PDPN: variants seen among roughly 807,000 people sequenced by gnomAD.
PDPN encodes the protein podoplanin.
A neutral mutation model predicts 23.2 loss-of-function variants in PDPN; 12 were observed. That is an observed-to-expected ratio of 0.52 (90% CI 0.33 to 0.84). PDPN has a LOEUF of 0.84. Ranked by LOEUF, PDPN falls within the 40% of genes least tolerant of loss-of-function variation. The pLI, the probability that PDPN is intolerant of heterozygous loss-of-function variation, is 0.02. For synonymous variants in PDPN, 77 were observed against 76.7 expected (o/e 1.00, Z -0.02); for missense variants, 199 against 212.2 (o/e 0.94, Z 0.39).
At chr1:13,614,111 TC>T (rs918869686) in intron 4 of PDPN, among the ~76,000 whole-genome samples, 188 bp from the exon 5 acceptor site, 42 of 152,294 alleles carry the variant, frequency 2.8e-4, no homozygotes, top group African/African-American at 1.0e-3. Context: ...CCAGAAATCT[TC>T]CCATTTGTAA....
rs1319914340 is a variant in PDPN at position 13,583,895 on chromosome 1, G to A, written c.-139G>A. 1 of 1,611,532 alleles carries A rather than the reference G, an allele frequency of 6.2e-7. No individual in the cohort carries two copies. The highest frequency in any genetic ancestry group is 8.5e-7 in the Non-Finnish European group (1 of 1,178,684). ...AAGCTCGGGCACCCTCCCTCTCCGG[G>A]GCTCCTGCTCCCACCCCTCCGGCCC... is the stretch of plus-strand genomic sequence containing the variant. On this transcript the variant is annotated 5_prime_UTR_variant, in exon 1 of 6. Coordinates refer to ENST00000621990, the MANE Select transcript of PDPN (RefSeq NM_006474.5).
chr1:13,584,712 AGT>A (rs1640128386), intron 1 of PDPN, among the ~76,000 whole-genome samples: 1 of 152,136 alleles, frequency 6.6e-6, no homozygotes, highest in South Asian at 2.1e-4. Context: ...GCTTCCGAGG[AGT>A]GTGAGTGCAT....
In PDPN at chr1:13,586,922, C is replaced by T. The variant is rs180889174; in HGVS notation, c.67+2822C>T. On this transcript the variant is annotated intron_variant, in intron 1 of 5. Coordinates refer to ENST00000621990, the MANE Select transcript of PDPN (RefSeq NM_006474.5). ...CAAAAATTAGTTGGGCATGGTGGTG[C>T]GCGCCTGTAGTCCTAGTTACTTGGA... Among the ~76,000 whole-genome samples the T allele has an allele frequency of 1.6e-4, 25 of 152,196 alleles. No homozygotes were observed. The East Asian group carries it at 1.7e-3, about 11-fold the overall frequency.
At chr1:13,606,029 G>A (rs1029502161) in intron 1 of PDPN, among the ~76,000 whole-genome samples, 1 of 151,520 alleles carries the variant, frequency 6.6e-6, no homozygotes, top group African/African-American at 2.4e-5. Flanking sequence ...TGGAGATTGG[G>A]TTTCGGCTGG....
At chr1:13,592,543 ATTTTT>A (rs34176163) in intron 1 of PDPN, among the ~76,000 whole-genome samples, 6 of 105,062 alleles carry the variant, frequency 5.7e-5, no homozygotes, top group South Asian at 3.2e-4. Flanking sequence ...TGAAAAGATG[ATTTTT>A]TTTTTTTTTT....
chr1:13,612,006 C>G (rs1367993100), intron 3 of PDPN, among the ~76,000 whole-genome samples: 1 of 152,120 alleles, frequency 6.6e-6, no homozygotes, highest in Non-Finnish European at 1.5e-5. Context: ...TTCTGTCATA[C>G]TTCATACTCA....
intron 1 of PDPN, among the ~76,000 whole-genome samples, chr1:13,597,045 T>A (rs1570027658): frequency 6.6e-6 from 1 of 152,156 alleles, no homozygotes; most frequent in East Asian, 1.9e-4. Flanking sequence ...TACAAAAGCC[T>A]GTGTTTGGGC....
chr1:13,610,343 A>C (rs1050114326), intron 2 of PDPN, 44 bp from the exon 3 acceptor site: 1 of 1,572,042 alleles, frequency 6.4e-7, no homozygotes, highest in Non-Finnish European at 8.7e-7. Flanking sequence ...TTTTAAAGAC[A>C]GTAGGCTTTA....
chr1:13,586,046 C>G (rs1640170333), intron 1 of PDPN, among the ~76,000 whole-genome samples: 1 of 152,184 alleles, frequency 6.6e-6, no homozygotes, highest in Non-Finnish European at 1.5e-5. Context: ...GTCCACACAT[C>G]TGGCATTTTT....
intron 1 of PDPN, among the ~76,000 whole-genome samples, chr1:13,588,127 C>G (rs355031): frequency 0.027 from 3,342 of 125,652 alleles, 74 homozygotes; most frequent in South Asian, 0.092. Context: ...ACCCGCCCCC[C>G]CAAACACACA....
At chr1:13,613,573 C>G in intron 3 of PDPN, 114 bp from the exon 4 acceptor site, 1 of 667,264 alleles carries the variant, frequency 1.5e-6, no homozygotes, top group Non-Finnish European at 2.7e-6. Flanking sequence ...AGAAGCCATC[C>G]TCTTGGTTTA....
chr1:13,612,701 G>A (rs1028386361), intron 3 of PDPN, among the ~76,000 whole-genome samples: 6 of 152,082 alleles, frequency 3.9e-5, no homozygotes, highest in East Asian at 1.9e-4. Flanking sequence ...TTGTGGAGGC[G>A]CCTTGTGCTG....
At chr1:13,590,698 A>G (rs970643159) in intron 1 of PDPN, among the ~76,000 whole-genome samples, 11 of 152,046 alleles carry the variant, frequency 7.2e-5, no homozygotes, top group South Asian at 4.1e-4. Context: ...ATGGCAGGAA[A>G]CTGGGGAGAC....
chr1:13,614,859 A>G (rs1201447502), intron 5 of PDPN: 1 of 508,960 alleles, frequency 2.0e-6, no homozygotes, highest in Non-Finnish European at 3.9e-6. Context: ...ACAAATGTCT[A>G]CTTAGACCTT....
chr1:13,616,053 C>A lies in PDPN; in HGVS notation c.*142C>A, dbSNP rs1055701. The A allele has an allele frequency of 1.9e-5, 14 of 752,290 alleles. No homozygotes were observed. The African/African-American group carries it at 2.5e-4, about 13-fold the overall frequency. The allele number at this position is 752,290 out of a possible 1,614,324, so 46.6% of individuals were successfully genotyped here. On this transcript the variant is annotated 3_prime_UTR_variant, in exon 6 of 6. Transcript: ENST00000621990. ...CTCAGAATCCACGGTGACCTCTCCGCTTGCCAAAATAACCGAAGGAAAGAC... is the reference window on the plus strand; with the variant it reads ...CTCAGAATCCACGGTGACCTCTCCGATTGCCAAAATAACCGAAGGAAAGAC...
At chr1:13,614,247 A>C (rs1481857713) in intron 4 of PDPN, 53 bp from the exon 5 acceptor site, 1 of 874,150 alleles carries the variant, frequency 1.1e-6, no homozygotes, top group Admixed American at 1.9e-5. Context: ...ATATTTTATC[A>C]CCGATGTATT....
Position 13,601,978 on chromosome 1 carries a change from C to A in PDPN, c.68-5195C>A, listed in dbSNP as rs77555688. Among the ~76,000 whole-genome samples the A allele has an allele frequency of 1.1e-3, 51 of 48,408 alleles. 1 individual carries two copies. The East Asian group carries it at 0.015, about 14-fold the overall frequency. 31.8% of individuals were successfully genotyped at this position (48,408 alleles called of 152,430 possible). On this transcript the variant is annotated intron_variant, in intron 1 of 5. Transcript: ENST00000621990. ...TGTAGGCCGGGTGCGGTGGCTCATG[C>A]CTTTGGGTGGCTCATGCCTTTGGGT... is the stretch of plus-strand genomic sequence containing the variant.
intron 3 of PDPN, among the ~76,000 whole-genome samples, chr1:13,611,567 C>A (rs1472849557): frequency 6.6e-6 from 1 of 152,028 alleles, no homozygotes; most frequent in Non-Finnish European, 1.5e-5. Context: ...TTGCCAGGGG[C>A]TGGGGGAAGA....
chr1:13,590,737 G>A (rs943221236), intron 1 of PDPN, among the ~76,000 whole-genome samples: 8 of 152,044 alleles, frequency 5.3e-5, no homozygotes, highest in Middle Eastern at 3.4e-3. Context: ...TGGAAGAGGC[G>A]GGACCTTTTT....
Sources: gnomAD v4.1 joint callset for allele counts (sites outside exome capture counted in the v4.1 genomes callset) on GRCh38, gnomAD v4.1.1 for gene constraint, MANE v1.5 for transcripts, NCBI Gene and HGNC (gene_info 2026-07-23, HGNC 2026-07-21) for gene names.